Variants in FGD4 observed in about 807,000 individuals in gnomAD.
FGD4 encodes the protein FYVE, RhoGEF and PH domain containing 4, also known as FYVE, RhoGEF and PH domain-containing protein 4.
Under a neutral mutation model 102.0 loss-of-function variants are expected in FGD4, and 42 were observed. The ratio of observed to expected loss-of-function variants is 0.41; its 90% CI spans 0.32 to 0.53. FGD4 has a LOEUF of 0.53. Among genes scored for constraint, FGD4 ranks in the 20% least tolerant of loss-of-function variants. The probability of loss-of-function intolerance (pLI) is 0.21; values close to 1 mark genes in which losing one functional copy is unlikely to be tolerated. For missense variants in FGD4, 902 were observed against 1,078.2 expected, an observed-to-expected ratio of 0.84 and a Z score of 2.29; for synonymous variants, 380 against 375.7, an observed-to-expected ratio of 1.01 and a Z score of -0.13.
At chr12:32,473,577 A>G (rs1450930597) in intron 1 of FGD4, among the ~76,000 whole-genome samples, 1 of 152,066 alleles carries the variant, frequency 6.6e-6, no homozygotes, top group Non-Finnish European at 1.5e-5. Context: ...CCACCTTAAG[A>G]GCTGTAACAC....
At chr12:32,608,434 G>A (rs1948928011) in intron 8 of FGD4, among the ~76,000 whole-genome samples, 1 of 152,198 alleles carries the variant, frequency 6.6e-6, no homozygotes, top group African/African-American at 2.4e-5. Flanking sequence ...AAGTGCTCCT[G>A]TTTAATTAGA....
chr12:32,401,536 C>G (rs528630130), intron 1 of FGD4, among the ~76,000 whole-genome samples: 3 of 152,252 alleles, frequency 2.0e-5, no homozygotes, highest in Admixed American at 2.0e-4. Context: ...GCTGGGATTA[C>G]AGATGTGAGC....
At chr12:32,510,066 G>A (rs1405805807) in intron 1 of FGD4, among the ~76,000 whole-genome samples, 3 of 152,174 alleles carry the variant, frequency 2.0e-5, no homozygotes, top group East Asian at 3.8e-4. Flanking sequence ...AGCAAATAGA[G>A]TACAACTACT....
chr12:32,600,866 T>C (rs777156148), intron 5 of FGD4, among the ~76,000 whole-genome samples: 2 of 152,070 alleles, frequency 1.3e-5, no homozygotes, highest in Non-Finnish European at 2.9e-5. Context: ...TAAAGGGAAA[T>C]ATGTAATAAG....
At chr12:32,514,250 A>G (rs764845847) in intron 1 of FGD4, among the ~76,000 whole-genome samples, 6 of 152,242 alleles carry the variant, frequency 3.9e-5, no homozygotes, top group Non-Finnish European at 2.9e-5. Context: ...CAGTTATACA[A>G]TACAGAAGCA....
intron 8 of FGD4, 43 bp from the exon 9 acceptor site, chr12:32,610,733 A>G: frequency 6.4e-7 from 1 of 1,564,954 alleles, no homozygotes; most frequent in Non-Finnish European, 8.8e-7. Flanking sequence ...AAGCACAGGA[A>G]GGACAAAGCA....
intron 14 of FGD4, among the ~76,000 whole-genome samples, chr12:32,627,347 G>A (rs1457033819): frequency 6.6e-6 from 1 of 151,474 alleles, no homozygotes; most frequent in African/African-American, 2.4e-5. Flanking sequence ...GTACAGACGG[G>A]GTTTCACCAT....
At chr12:32,626,940 C>G (rs1044189466) in intron 14 of FGD4, among the ~76,000 whole-genome samples, 5 of 151,942 alleles carry the variant, frequency 3.3e-5, no homozygotes, top group Admixed American at 1.3e-4. Flanking sequence ...CTCCGCCTCC[C>G]GGGTTCAAGC....
chr12:32,430,624 C>T (rs925529419), intron 1 of FGD4, among the ~76,000 whole-genome samples: 18 of 126,466 alleles, frequency 1.4e-4, no homozygotes, highest in East Asian at 4.8e-4. Flanking sequence ...TATATAATTG[C>T]GTGTGTGTAA....
chr12:32,434,729 G>A (rs541756825), intron 1 of FGD4, among the ~76,000 whole-genome samples: 2 of 152,232 alleles, frequency 1.3e-5, no homozygotes, highest in South Asian at 4.2e-4. Flanking sequence ...TTGACATTTA[G>A]AACATGGTTA....
At chr12:32,478,466 A>G (rs929118861) in intron 1 of FGD4, among the ~76,000 whole-genome samples, 3 of 152,154 alleles carry the variant, frequency 2.0e-5, no homozygotes, top group Non-Finnish European at 2.9e-5. Context: ...GGGTTTCACC[A>G]TGTTGGCCAA....
At chr12:32,402,013 C>T (rs2136376113) in intron 1 of FGD4, among the ~76,000 whole-genome samples, 1 of 151,560 alleles carries the variant, frequency 6.6e-6, no homozygotes, top group East Asian at 1.9e-4. Context: ...CGCCATTCTC[C>T]TGCCTCAGCC....
At chr12:32,410,754 A>C (rs1395177267) in intron 1 of FGD4, among the ~76,000 whole-genome samples, 1 of 152,094 alleles carries the variant, frequency 6.6e-6, no homozygotes, top group African/African-American at 2.4e-5. Flanking sequence ...GGGAGCTACC[A>C]CAGTTCTGGG....
At chr12:32,453,728 T>C (rs930145737) in intron 1 of FGD4, among the ~76,000 whole-genome samples, 3 of 152,190 alleles carry the variant, frequency 2.0e-5, no homozygotes, top group African/African-American at 7.2e-5. Context: ...TTATCATACT[T>C]TATTTTTTAG....
intron 1 of FGD4, among the ~76,000 whole-genome samples, chr12:32,414,672 T>A (rs1225505848): frequency 6.6e-6 from 1 of 152,204 alleles, no homozygotes; most frequent in Admixed American, 6.5e-5. Flanking sequence ...AGTGAGAACA[T>A]GCAAAGTTTG....
chr12:32,513,665 G>A (rs17609311), intron 1 of FGD4, among the ~76,000 whole-genome samples: 1 of 152,182 alleles, frequency 6.6e-6, no homozygotes, highest in Non-Finnish European at 1.5e-5. Flanking sequence ...GAGTAAAAGT[G>A]CCAGGACTTA....
Position 32,399,880 on chromosome 12 carries a change from G to A in FGD4, c.87G>A (p.Arg29=), listed in dbSNP as rs1263929503. Residue 29 remains arginine (R), a synonymous_variant, in exon 1 of 17, where the codon CGG becomes CGA. Transcript: ENST00000534526. ...NPSYLPPGVP[R]PWSRPASHLG... is the part of the protein sequence containing the mutation. ...CCTACCTGCCGCCCGGGGTGCCCCG[G>A]CCCTGGAGCAGGCCCGCGTCGCACC... The A allele has an allele frequency of 2.0e-6, 3 of 1,531,046 alleles. No homozygotes were observed. The highest frequency in any genetic ancestry group is 2.6e-6 in the Non-Finnish European group (3 of 1,145,102). The allele number at this position is 1,531,046 out of a possible 1,614,324, so 94.8% of individuals were successfully genotyped here. A position where few individuals can be genotyped will look rare whatever the true frequency, so the allele number is the denominator to read the frequency against.
At chr12:32,451,025 C>G (rs1193038515) in intron 1 of FGD4, among the ~76,000 whole-genome samples, 1 of 152,214 alleles carries the variant, frequency 6.6e-6, no homozygotes, top group Admixed American at 6.5e-5. Flanking sequence ...TTGGCTTGCA[C>G]TTGGTTCTCT....
At chr12:32,408,408 C>A (rs1021882306) in intron 1 of FGD4, among the ~76,000 whole-genome samples, 3 of 152,140 alleles carry the variant, frequency 2.0e-5, no homozygotes, top group African/African-American at 7.2e-5. Context: ...CTCAGGTGAT[C>A]CGCCCACCAC....
Sources: gnomAD v4.1 joint callset for allele counts (sites outside exome capture counted in the v4.1 genomes callset) on GRCh38, gnomAD v4.1.1 for gene constraint, MANE v1.5 for transcripts, NCBI Gene and HGNC (gene_info 2026-07-23, HGNC 2026-07-21) for gene names.